Variants in WWOX observed in about 807,000 individuals in gnomAD.
The protein encoded by WWOX is WW domain containing oxidoreductase.
In WWOX, 69 loss-of-function variants were observed where a neutral mutation model predicts 46.2. The observed-to-expected ratio is 1.49, with a 90% CI of 1.23 to 1.82. WWOX has a LOEUF of 1.82. Ranked by LOEUF, WWOX falls within the 40% of genes most tolerant of loss-of-function variation. The pLI is 0.00. For missense variants in WWOX, 919 were observed against 542.6 expected, an observed-to-expected ratio of 1.69 and a Z score of -6.89; for synonymous variants, 359 against 202.6, an observed-to-expected ratio of 1.77 and a Z score of -6.56.
chr16:78,479,001 A>T (rs1311161146), intron 8 of WWOX, among the ~76,000 whole-genome samples: 3 of 152,214 alleles, frequency 2.0e-5, no homozygotes, highest in Non-Finnish European at 4.4e-5. Context: ...TATGATCAAC[A>T]AGGCATATTG....
At chr16:78,496,633 G>C (rs2033183918) in intron 8 of WWOX, among the ~76,000 whole-genome samples, 1 of 152,180 alleles carries the variant, frequency 6.6e-6, no homozygotes, top group African/African-American at 2.4e-5. Flanking sequence ...CTTGAAGGGA[G>C]GGATGCATTC....
chr16:78,798,750 G>A (rs1293101654), intron 8 of WWOX, among the ~76,000 whole-genome samples: 1 of 152,134 alleles, frequency 6.6e-6, no homozygotes, highest in African/African-American at 2.4e-5. Context: ...ATGATGTTGT[G>A]TGTAATTTTT....
intron 8 of WWOX, among the ~76,000 whole-genome samples, chr16:79,046,207 A>C (rs16949396): frequency 0.2 from 30,641 of 152,152 alleles, 3,309 homozygotes; most frequent in African/African-American, 0.29. Context: ...TATTATTGTC[A>C]GTATGTATCC....
intron 8 of WWOX, among the ~76,000 whole-genome samples, chr16:79,130,135 A>G (rs12599773): frequency 0.08 from 12,238 of 152,192 alleles, 558 homozygotes; most frequent in South Asian, 0.13. Context: ...TAGAAAGGGA[A>G]TTTGCCCAAG....
intron 6 of WWOX, among the ~76,000 whole-genome samples, chr16:78,424,622 C>T (rs1235180510): frequency 6.6e-6 from 1 of 152,190 alleles, no homozygotes; most frequent in Non-Finnish European, 1.5e-5. Context: ...GTTCCGTATC[C>T]TAATAAGCCT....
At chr16:78,594,481 C>T (rs1388402941) in intron 8 of WWOX, among the ~76,000 whole-genome samples, 2 of 131,134 alleles carry the variant, frequency 1.5e-5, no homozygotes, top group East Asian at 2.7e-4. Context: ...CTGGTCTTGC[C>T]AGCTGGCACA....
chr16:78,736,062 G>A lies in WWOX; in HGVS notation c.1056+303310G>A, dbSNP rs560078449. Among the ~76,000 whole-genome samples, 16 of 152,292 alleles carry A rather than the reference G, an allele frequency of 1.1e-4. No homozygotes were observed. In the South Asian group the frequency reaches 2.5e-3, roughly 24 times the overall value. On this transcript the variant is annotated intron_variant, in intron 8 of 8. Coordinates refer to ENST00000566780, the MANE Select transcript of WWOX (RefSeq NM_016373.4). ...AGACTAGAGATGAAGACAGGGATTC[G>A]GCTTCGCTTGCTTTATCAAGGGAAT...
intron 8 of WWOX, among the ~76,000 whole-genome samples, chr16:78,437,940 ATGTAT>A (rs368179875): frequency 7.2e-5 from 11 of 152,270 alleles, no homozygotes; most frequent in Non-Finnish European, 1.2e-4. Context: ...TGGTGAAAAA[ATGTAT>A]TGTATTTTAG....
At chr16:78,693,640 T>A (rs2048037840) in intron 8 of WWOX, among the ~76,000 whole-genome samples, 1 of 152,110 alleles carries the variant, frequency 6.6e-6, no homozygotes, top group African/African-American at 2.4e-5. Context: ...CTGGAGACAT[T>A]GTTGGTTGTG....
At chr16:78,143,752 GTTTTTTTT>G (rs200125720) in intron 4 of WWOX, among the ~76,000 whole-genome samples, 1 of 120,240 alleles carries the variant, frequency 8.3e-6, no homozygotes, top group Non-Finnish European at 1.7e-5. Flanking sequence ...GAATTGGTAT[GTTTTTTTT>G]TTTTTTTTTT....
intron 8 of WWOX, among the ~76,000 whole-genome samples, chr16:79,141,628 G>A (rs2050090711): frequency 6.6e-6 from 1 of 152,166 alleles, no homozygotes; most frequent in African/African-American, 2.4e-5. Flanking sequence ...AGAAGTTTGG[G>A]GTGAAAACAC....
At chr16:78,213,744 A>T (rs1198007759) in intron 5 of WWOX, among the ~76,000 whole-genome samples, 1 of 152,148 alleles carries the variant, frequency 6.6e-6, no homozygotes. Flanking sequence ...TGTAATTGCA[A>T]AATGAAGCTG....
At chr16:78,317,705 C>T (rs1171974708) in intron 5 of WWOX, among the ~76,000 whole-genome samples, 4 of 152,092 alleles carry the variant, frequency 2.6e-5, no homozygotes, top group Non-Finnish European at 4.4e-5. Context: ...AGAGAGTAAG[C>T]GACTCAGCAG....
intron 8 of WWOX, among the ~76,000 whole-genome samples, chr16:78,478,501 G>A (rs946101775): frequency 6.6e-6 from 1 of 152,166 alleles, no homozygotes; most frequent in Non-Finnish European, 1.5e-5. Context: ...AACAGGGCCA[G>A]GTGTAACACA....
At chr16:78,187,001 G>A (rs922021137) in intron 5 of WWOX, among the ~76,000 whole-genome samples, 7 of 151,992 alleles carry the variant, frequency 4.6e-5, no homozygotes, top group Non-Finnish European at 2.9e-5. Context: ...TTTGTGTGCG[G>A]CTCTCTCTGT....
chr16:78,319,283 T>C (rs554462059), intron 5 of WWOX, among the ~76,000 whole-genome samples: 1 of 149,208 alleles, frequency 6.7e-6, no homozygotes. Context: ...GATGTCGTTT[T>C]ACTATTTTCT....
chr16:78,241,953 A>C (rs1407811307), intron 5 of WWOX, among the ~76,000 whole-genome samples: 2 of 152,166 alleles, frequency 1.3e-5, no homozygotes, highest in Non-Finnish European at 2.9e-5. Context: ...GATAAAGCAA[A>C]AGCAAATGTT....
chr16:78,203,021 A>G (rs1341429118), intron 5 of WWOX, among the ~76,000 whole-genome samples: 5 of 152,192 alleles, frequency 3.3e-5, no homozygotes, highest in Admixed American at 6.5e-5. Flanking sequence ...AGGGAATAGA[A>G]TTAGGCTGTC....
At chr16:78,267,909 C>G (rs2079401615) in intron 5 of WWOX, among the ~76,000 whole-genome samples, 1 of 152,174 alleles carries the variant, frequency 6.6e-6, no homozygotes, top group Admixed American at 6.5e-5. Context: ...CCTTGACTTT[C>G]CAGGCTCAAG....
Sources: gnomAD v4.1 joint callset for allele counts (sites outside exome capture counted in the v4.1 genomes callset) on GRCh38, gnomAD v4.1.1 for gene constraint, MANE v1.5 for transcripts, NCBI Gene and HGNC (gene_info 2026-07-23, HGNC 2026-07-21) for gene names.